Variants in PASK observed in about 807,000 individuals in gnomAD.
PASK encodes the protein PAS domain-containing serine/threonine-protein kinase.
Under a neutral mutation model 121.0 loss-of-function variants are expected in PASK, and 110 were observed. That is an observed-to-expected ratio of 0.91 (90% CI 0.78 to 1.06). PASK has a LOEUF of 1.06. PASK is among the 50% of genes least tolerant of loss of function. The pLI is 0.00. For synonymous variants in PASK, 686 were observed against 717.8 expected (o/e 0.96, Z 0.71); for missense variants, 1,643 against 1,702.3 (o/e 0.97, Z 0.61).
At chr2:241,123,399 T>C (rs558183835) in intron 11 of PASK, among the ~76,000 whole-genome samples, 9 of 152,092 alleles carry the variant, frequency 5.9e-5, no homozygotes, top group East Asian at 2.0e-4. Context: ...AGGATGGTCT[T>C]GATCTCCTGA....
chr2:241,127,474 C>A (rs767137643), intron 9 of PASK, 23 bp from the exon 10 acceptor site: 7 of 1,595,140 alleles, frequency 4.4e-6, no homozygotes, highest in Admixed American at 1.7e-5. Flanking sequence ...ACATGGGTGA[C>A]CATCATGTAG....
chr2:241,137,136 G>A lies in PASK; in HGVS notation c.1005C>T (p.Tyr335=). The part of the protein sequence containing the change: ...TTGEAAPVSG[Y]RASVWVFCTI... ...TGCAGAACACCCAGACAGATGCCCG[G>A]TAGCCGCTCACAGGGGCCGCCTCAC... is the stretch of plus-strand genomic sequence containing the variant. The change falls in exon 7 of 18, where the codon TAC becomes TAT. Residue 335 remains tyrosine, a synonymous_variant. Transcript: ENST00000234040. 1 of 1,613,650 alleles carries A rather than the reference G, an allele frequency of 6.2e-7. No homozygotes were observed.
chr2:241,148,086 C>T (rs1469384203), intron 1 of PASK, among the ~76,000 whole-genome samples: 1 of 152,180 alleles, frequency 6.6e-6, no homozygotes, highest in Admixed American at 6.5e-5. Flanking sequence ...GAAATACCTG[C>T]ACGTCCAGGC....
rs113857001 is a variant in PASK, at chr2:241,127,273, C to A, written c.1642G>T (p.Asp548Tyr). Reference protein sequence around the residue: ...VDVKPFASCEDSEAPVPAEDG... With the variant: ...VDVKPFASCEYSEAPVPAEDG... ...TCAGCTGGGACTGGAGCTTCAGAAT[C>A]TTCGCAGGAAGCAAATGGCTTCACA... Residue 548 changes from aspartate to tyrosine, a missense_variant, in exon 10 of 18, where the codon GAT becomes TAT. By Grantham distance (160) the Asp-to-Tyr change is radical (BLOSUM62 -3). Around this residue, in one of 3 missense-constraint regions of PASK, gnomAD observed 1,176 missense variants for 1,162.2 expected, o/e 1.01. Coordinates refer to ENST00000234040, the MANE Select transcript of PASK (RefSeq NM_015148.4). 6.7e-5 allele frequency: 108 copies of A among 1,614,264 alleles called. 2 individuals carry two copies. The African/African-American group carries it at 1.0e-3, about 16-fold the overall frequency.
At position 241,140,624 on chromosome 2, in the gene PASK, G is replaced by C. The variant is rs1275726904; in HGVS notation, c.326C>G (p.Ser109Cys). 6.2e-7 allele frequency: 1 copy of C among 1,614,102 alleles called. No individual in the cohort carries two copies. Among genetic ancestry groups the C allele is most frequent in the South Asian group, 1.1e-5 (1 of 91,084 alleles). The change falls in exon 3 of 18, where the codon TCC (serine) becomes TGC (cysteine). Residue 109 changes from serine to cysteine, a missense_variant. By Grantham distance (112) the Ser-to-Cys change is moderately radical (BLOSUM62 -1). This residue lies in a region of PASK where 1,176 missense variants were observed against 1,162.2 expected (regional missense o/e 1.01). Transcript: ENST00000234040. ...CCCTGAGGACAGTCCCCGCAGCAGGGAGCAGCAGGACACACTGCCCCGCGG... is the reference window on the plus strand; with the variant it reads ...CCCTGAGGACAGTCCCCGCAGCAGGCAGCAGCAGGACACACTGCCCCGCGG... The part of the protein sequence containing the change: ...SEPRGSVSCC[S>C]LLRGLSSGWS...
intron 12 of PASK, among the ~76,000 whole-genome samples, chr2:241,117,440 T>C (rs2065422844): frequency 6.6e-6 from 1 of 152,182 alleles, no homozygotes; most frequent in South Asian, 2.1e-4. Flanking sequence ...CTGCGGCCTG[T>C]CCAGCTGCAG....
At chr2:241,130,689 C>T (rs956396469) in intron 9 of PASK, among the ~76,000 whole-genome samples, 1 of 152,312 alleles carries the variant, frequency 6.6e-6, no homozygotes. Flanking sequence ...TACCCTCTCA[C>T]GCCACTCAAC....
At chr2:241,142,694 G>A (rs982138521) in intron 2 of PASK, 143 bp downstream of exon 2, 9 of 688,176 alleles carry the variant, frequency 1.3e-5, no homozygotes, top group African/African-American at 1.2e-4. Flanking sequence ...CTGCCAGCAT[G>A]AGCCGAGCAC....
chr2:241,123,013 C>T, intron 11 of PASK, 114 bp from the exon 12 acceptor site: 1 of 900,684 alleles, frequency 1.1e-6, no homozygotes, highest in Non-Finnish European at 1.7e-6. Context: ...GTGTGCCCTG[C>T]ACTCCAGTCC....
chr2:241,133,072 A>C (rs1375234421), intron 8 of PASK, 42 bp from the exon 9 acceptor site: 5 of 1,594,758 alleles, frequency 3.1e-6, no homozygotes, highest in Non-Finnish European at 4.3e-6. Flanking sequence ...CTTCACAGGC[A>C]CTCCCTAAAA....
chr2:241,129,253 G>A (rs1243349356), intron 9 of PASK, among the ~76,000 whole-genome samples: 1 of 152,182 alleles, frequency 6.6e-6, no homozygotes, highest in Non-Finnish European at 1.5e-5. Context: ...GAGGCCCCTG[G>A]GCAGCACTGC....
At chr2:241,137,628 T>C (rs1032649957) in intron 6 of PASK, among the ~76,000 whole-genome samples, 2 of 152,158 alleles carry the variant, frequency 1.3e-5, no homozygotes, top group Non-Finnish European at 2.9e-5. Context: ...GGCACCAGGA[T>C]ACTGGCCCCA....
At chr2:241,136,886 A>C in intron 7 of PASK, 118 bp downstream of exon 7, 1 of 941,164 alleles carries the variant, frequency 1.1e-6, no homozygotes, top group Non-Finnish European at 1.7e-6. Flanking sequence ...CTTCCTGGGT[A>C]AAGGAGCGAG....
intron 10 of PASK, among the ~76,000 whole-genome samples, chr2:241,125,644 A>T (rs1426403925): frequency 2.6e-5 from 4 of 152,138 alleles, no homozygotes; most frequent in African/African-American, 9.6e-5. Context: ...AATAAAAAAG[A>T]AAGTAAAACA....
chr2:241,122,501 C>T (rs1344367437), intron 12 of PASK, among the ~76,000 whole-genome samples: 1 of 152,162 alleles, frequency 6.6e-6, no homozygotes, highest in Admixed American at 6.5e-5. Context: ...CTGAGCCTGG[C>T]CTGTTCGAGG....
At chr2:241,114,532 A>G in intron 14 of PASK, 1 of 1,006,736 alleles carries the variant, frequency 9.9e-7, no homozygotes. Context: ...TCACTCTCCC[A>G]TTCCAATAAA....
rs2064960374 is a variant in PASK at position 241,108,074 on chromosome 2, CAG to C, written c.3667+91_3667+92del. Reference sequence around the variant, plus strand: ...AAACAAATGAGACTGTTGATATGGACAGAGATACACTGAGGAATGAGGAAATG... The same window carrying C: ...AAACAAATGAGACTGTTGATATGGACAGATACACTGAGGAATGAGGAAATG... On this transcript the variant is annotated intron_variant, in intron 16 of 17. Transcript: ENST00000234040. This position sits in a 1 kb window ranked among gnomAD's most constrained non-coding sequence, Gnocchi z 5.2. 1 of 1,156,236 alleles carries C rather than the reference CAG, an allele frequency of 8.6e-7. No individual in the cohort carries two copies. The highest frequency in any genetic ancestry group is 1.7e-5 in the Admixed American group (1 of 59,512). The allele number at this position is 1,156,236 out of a possible 1,614,324, so 71.6% of individuals were successfully genotyped here.
At chr2:241,114,766 A>G (rs2065255265) in intron 14 of PASK, 3 of 1,402,788 alleles carry the variant, frequency 2.1e-6, no homozygotes, top group Non-Finnish European at 2.8e-6. Context: ...ATTGTTGTGG[A>G]TATTTTATGT....
intron 12 of PASK, among the ~76,000 whole-genome samples, chr2:241,118,322 C>T (rs1395230433): frequency 1.3e-5 from 2 of 151,808 alleles, no homozygotes; most frequent in African/African-American, 2.4e-5. Context: ...TAAGGACACA[C>T]TTAAGATAGA....
Sources: allele counts gnomAD v4.1 joint callset (sites outside exome capture counted in the v4.1 genomes callset), GRCh38; gene constraint gnomAD v4.1.1; regional missense constraint gnomAD v4.1.1; non-coding constraint Gnocchi (gnomAD v3.1); transcripts MANE v1.5; gene names NCBI Gene and HGNC (gene_info 2026-07-23, HGNC 2026-07-21).